Variants in OPCML observed in about 807,000 individuals in gnomAD.
The protein encoded by OPCML is opioid-binding protein/cell adhesion molecule.
A neutral mutation model predicts 37.8 loss-of-function variants in OPCML; 13 were observed. The ratio of observed to expected loss-of-function variants is 0.34; its 90% CI spans 0.22 to 0.55. The LOEUF (loss-of-function observed/expected upper bound fraction) is 0.55, where lower values mean the gene tolerates loss of function less well. Among genes scored for constraint, OPCML ranks in the 20% least tolerant of loss-of-function variants. The pLI is 0.91. For missense variants in OPCML, 341 were observed against 435.6 expected, an observed-to-expected ratio of 0.78 and a Z score of 1.93; for synonymous variants, 176 against 168.8, an observed-to-expected ratio of 1.04 and a Z score of -0.33.
At chr11:132,772,979 C>G (rs1160202870) in intron 2 of OPCML, 1 of 152,184 alleles carries the variant, frequency 6.6e-6, no homozygotes, top group Non-Finnish European at 1.5e-5. Flanking sequence ...TGTTGTCTTC[C>G]TCTGGTACGA....
intron 1 of OPCML, among the ~76,000 whole-genome samples, chr11:133,049,579 G>T (rs772378450): frequency 6.6e-6 from 1 of 152,204 alleles, no homozygotes; most frequent in South Asian, 2.1e-4. Flanking sequence ...GAAGTTGATC[G>T]CAGATGAGGA....
In OPCML at chr11:133,460,554, C is replaced by G. The variant is rs905106268; in HGVS notation, c.61+71710G>C. On this transcript the variant is annotated intron_variant, in intron 1 of 7. Transcript: ENST00000524381. Reference sequence around the variant, plus strand: ...GAAATAGAAAAGATTATAAGGAGTACTATAAACGATTGTACACTAAGAAAT... The same window carrying G: ...GAAATAGAAAAGATTATAAGGAGTAGTATAAACGATTGTACACTAAGAAAT... Among the ~76,000 whole-genome samples, 6 of 151,826 alleles carry G rather than the reference C, an allele frequency of 4.0e-5. No homozygotes were observed. The Middle Eastern group carries it at 0.014, about 344-fold the overall frequency.
intron 3 of OPCML, among the ~76,000 whole-genome samples, chr11:132,591,903 G>A (rs528608280): frequency 6.6e-6 from 1 of 152,292 alleles, no homozygotes; most frequent in Admixed American, 6.5e-5. Flanking sequence ...ACTATATAGT[G>A]GGGATAAAGC....
chr11:132,552,763 CTTTT>C (rs562056846), intron 3 of OPCML, among the ~76,000 whole-genome samples: 2 of 92,796 alleles, frequency 2.2e-5, no homozygotes, highest in Non-Finnish European at 4.0e-5. Context: ...AAACACTACT[CTTTT>C]TTTTTTTTTT....
chr11:132,684,038 C>A (rs925639883), intron 2 of OPCML, among the ~76,000 whole-genome samples: 3 of 152,084 alleles, frequency 2.0e-5, no homozygotes, highest in African/African-American at 4.8e-5. Context: ...ATTTGTTACA[C>A]ACCAAAAATA....
chr11:133,438,310 T>C (rs927109274), intron 1 of OPCML, among the ~76,000 whole-genome samples: 3 of 152,070 alleles, frequency 2.0e-5, no homozygotes, highest in Non-Finnish European at 4.4e-5. Context: ...AATAGACATA[T>C]AAATTTCAAA....
intron 1 of OPCML, among the ~76,000 whole-genome samples, chr11:133,380,387 C>A (rs1944905661): frequency 1.3e-5 from 2 of 152,130 alleles, no homozygotes; most frequent in African/African-American, 2.4e-5. Flanking sequence ...AAAAATTTTC[C>A]TAACTGATCT....
chr11:132,741,912 C>A (rs1412654216), intron 2 of OPCML, among the ~76,000 whole-genome samples: 1 of 151,830 alleles, frequency 6.6e-6, no homozygotes, highest in Non-Finnish European at 1.5e-5. Context: ...GCCTGTAATC[C>A]CAGCTACTCG....
At chr11:133,069,651 G>C (rs1187450609) in intron 1 of OPCML, among the ~76,000 whole-genome samples, 1 of 152,184 alleles carries the variant, frequency 6.6e-6, no homozygotes, top group Non-Finnish European at 1.5e-5. Context: ...GAGAGCATGT[G>C]TGTGTGCACA....
chr11:132,465,134 C>G (rs928540279), intron 4 of OPCML, among the ~76,000 whole-genome samples: 1 of 152,154 alleles, frequency 6.6e-6, no homozygotes, highest in Admixed American at 6.5e-5. Context: ...AATGCTCCCC[C>G]TTGTGACAGG....
intron 1 of OPCML, among the ~76,000 whole-genome samples, chr11:133,377,936 G>A (rs1302311768): frequency 6.6e-6 from 1 of 152,194 alleles, no homozygotes; most frequent in Non-Finnish European, 1.5e-5. Context: ...GTTCCTGCAG[G>A]ACCTTCAGGG....
chr11:133,235,935 T>C (rs1483713666), intron 1 of OPCML, among the ~76,000 whole-genome samples: 4 of 152,204 alleles, frequency 2.6e-5, no homozygotes, highest in Non-Finnish European at 5.9e-5. Flanking sequence ...ATACCTTCCC[T>C]GTTATCAGCA....
intron 1 of OPCML, among the ~76,000 whole-genome samples, chr11:133,367,330 C>A (rs766288938): frequency 2.6e-4 from 40 of 152,160 alleles, no homozygotes; most frequent in Non-Finnish European, 5.4e-4. Context: ...GCATGTTACT[C>A]TTCCCCCTGC....
At chr11:132,820,606 C>A (rs1172344727) in intron 2 of OPCML, among the ~76,000 whole-genome samples, 1 of 152,012 alleles carries the variant, frequency 6.6e-6, no homozygotes, top group Non-Finnish European at 1.5e-5. Flanking sequence ...TGTGTGCCAT[C>A]GGAAATCAAG....
intron 2 of OPCML, among the ~76,000 whole-genome samples, chr11:132,665,921 AT>A (rs760686438): frequency 2.0e-5 from 3 of 152,208 alleles, no homozygotes; most frequent in Non-Finnish European, 4.4e-5. Flanking sequence ...CATGGATACA[AT>A]AAAAAGTATA....
At chr11:133,281,288 T>A (rs1942148065) in intron 1 of OPCML, among the ~76,000 whole-genome samples, 1 of 152,146 alleles carries the variant, frequency 6.6e-6, no homozygotes. Context: ...TGAGGATAGA[T>A]CCCTCATGAA....
intron 1 of OPCML, among the ~76,000 whole-genome samples, chr11:133,278,627 ATG>A: frequency 6.6e-6 from 1 of 152,156 alleles, no homozygotes; most frequent in South Asian, 2.1e-4. Flanking sequence ...ATACTACTAG[ATG>A]TGTGAGTTTC....
chr11:132,638,900 G>A (rs182465442), intron 3 of OPCML, among the ~76,000 whole-genome samples: 5 of 152,250 alleles, frequency 3.3e-5, no homozygotes, highest in South Asian at 4.1e-4. Flanking sequence ...CCAGCCTCGC[G>A]TCAATTAAAC....
intron 1 of OPCML, among the ~76,000 whole-genome samples, chr11:133,398,569 C>G (rs1197913775): frequency 6.6e-6 from 1 of 151,974 alleles, no homozygotes; most frequent in Non-Finnish European, 1.5e-5. Flanking sequence ...AATTCCTTCT[C>G]TCTATTCAAG....
Sources: gnomAD v4.1 joint callset for allele counts (sites outside exome capture counted in the v4.1 genomes callset) on GRCh38, gnomAD v4.1.1 for gene constraint, MANE v1.5 for transcripts, NCBI Gene and HGNC (gene_info 2026-07-23, HGNC 2026-07-21) for gene names.